The following LDLRAD4 variants were observed in gnomAD, a reference collection of about 807,000 sequenced individuals.
The protein encoded by LDLRAD4 is low density lipoprotein receptor class A domain containing 4.
In LDLRAD4, 5 loss-of-function variants were observed where a neutral mutation model predicts 17.0. The observed-to-expected ratio is 0.29, with a 90% CI of 0.15 to 0.62. The LOEUF (loss-of-function observed/expected upper bound fraction) is 0.62, where lower values mean the gene tolerates loss of function less well. LDLRAD4 is among the 20% of genes least tolerant of loss of function. The probability of loss-of-function intolerance (pLI) is 0.84; values close to 1 mark genes in which losing one functional copy is unlikely to be tolerated. For synonymous variants in LDLRAD4, 168 were observed against 171.8 expected, an observed-to-expected ratio of 0.98 and a Z score of 0.17; for missense variants, 340 against 424.7, an observed-to-expected ratio of 0.80 and a Z score of 1.75.
chr18:13,276,955 G>A (rs1225362496), upstream of LDLRAD4, among the ~76,000 whole-genome samples: 1 of 152,182 alleles, frequency 6.6e-6, no homozygotes, highest in African/African-American at 2.4e-5. Flanking sequence ...ACTGGTGAGA[G>A]CAGCCCCAGT....
intron 3 of LDLRAD4, among the ~76,000 whole-genome samples, chr18:13,496,788 A>G (rs2093479294): frequency 6.6e-6 from 1 of 152,214 alleles, no homozygotes; most frequent in African/African-American, 2.4e-5. Flanking sequence ...CCACTGCATT[A>G]ATGCAAACCA....
intron 3 of LDLRAD4, among the ~76,000 whole-genome samples, chr18:13,518,512 A>T (rs909527305): frequency 3.9e-5 from 6 of 152,242 alleles, no homozygotes; most frequent in Non-Finnish European, 8.8e-5. Context: ...GGTATTTCCC[A>T]CATCTGAAGT....
chr18:13,599,923 A>G (rs1281953504), intron 3 of LDLRAD4, among the ~76,000 whole-genome samples: 1 of 152,240 alleles, frequency 6.6e-6, no homozygotes, highest in East Asian at 1.9e-4. Flanking sequence ...TGAGCAAAAG[A>G]AAGAAAATTA....
intron 1 of LDLRAD4, among the ~76,000 whole-genome samples, chr18:13,253,018 C>G (rs1342091044): frequency 6.6e-6 from 1 of 152,178 alleles, no homozygotes. Context: ...CACTGGGGGT[C>G]CAGGGTGCAG....
intron 1 of LDLRAD4, among the ~76,000 whole-genome samples, chr18:13,345,984 G>A (rs2082662800): frequency 6.6e-6 from 1 of 151,860 alleles, no homozygotes; most frequent in South Asian, 2.1e-4. Context: ...TTCTTTATTA[G>A]TCTTGCTAGC....
chr18:13,245,545 C>T (rs551648470), intron 1 of LDLRAD4, among the ~76,000 whole-genome samples: 2 of 152,186 alleles, frequency 1.3e-5, no homozygotes, highest in Non-Finnish European at 2.9e-5. Context: ...CAGCCCAAGT[C>T]AGAAGGCTCA....
At chr18:13,512,288 A>C (rs1168609914) in intron 3 of LDLRAD4, among the ~76,000 whole-genome samples, 1 of 152,206 alleles carries the variant, frequency 6.6e-6, no homozygotes, top group Non-Finnish European at 1.5e-5. Context: ...GTCATGATAC[A>C]GGAATGATCT....
chr18:13,488,291 C>G (rs1382889098), intron 3 of LDLRAD4: 3 of 152,372 alleles, frequency 2.0e-5, no homozygotes, highest in Non-Finnish European at 2.9e-5. Flanking sequence ...GAACAGAGTG[C>G]AGACCCCCTC....
In LDLRAD4 at chr18:13,319,038, G is replaced by A. The variant is rs149966665; in HGVS notation, c.-383+40850G>A. 8.0e-3 allele frequency among the ~76,000 whole-genome samples: 1,216 copies of A among 152,278 alleles called. 17 individuals are homozygous for A. The highest frequency in any genetic ancestry group is 9.6e-3 in the Non-Finnish European group (652 of 68,022). The stretch of plus-strand genomic sequence containing the variant: ...TGTTGGTGAACTCAGGGCCTGCTAC[G>A]TCTGGAACACATCAAGCCATTTAGT... On this transcript the variant is annotated intron_variant, in intron 1 of 5. Transcript: ENST00000359446.
At chr18:13,309,424 A>G (rs369984343) in intron 1 of LDLRAD4, among the ~76,000 whole-genome samples, 3 of 152,172 alleles carry the variant, frequency 2.0e-5, no homozygotes, top group African/African-American at 7.2e-5. Context: ...TCTTCCAAGT[A>G]ATTATTAGAT....
At chr18:13,531,012 C>T (rs868699335) in intron 3 of LDLRAD4, among the ~76,000 whole-genome samples, 1 of 152,196 alleles carries the variant, frequency 6.6e-6, no homozygotes, top group South Asian at 2.1e-4. Flanking sequence ...GGTTCTCCTT[C>T]GTTTCATCTG....
At chr18:13,250,458 G>A (rs887285576) in intron 1 of LDLRAD4, among the ~76,000 whole-genome samples, 4 of 151,766 alleles carry the variant, frequency 2.6e-5, no homozygotes, top group African/African-American at 9.7e-5. Flanking sequence ...TTGGATTTTG[G>A]AAGAAATAAC....
intron 1 of LDLRAD4, among the ~76,000 whole-genome samples, chr18:13,348,251 G>A (rs937020167): frequency 6.6e-6 from 1 of 152,084 alleles, no homozygotes; most frequent in African/African-American, 2.4e-5. Flanking sequence ...TGGGGTTTTG[G>A]TGTGGATGTC....
intron 3 of LDLRAD4, among the ~76,000 whole-genome samples, chr18:13,458,255 A>G (rs192122680): frequency 7.4e-4 from 112 of 152,346 alleles, no homozygotes; most frequent in Admixed American, 1.2e-3. Flanking sequence ...AATGCCATTC[A>G]CGCAAAACAA....
chr18:13,615,508 C>T (rs1485126178), intron 3 of LDLRAD4: 2 of 152,190 alleles, frequency 1.3e-5, no homozygotes, highest in African/African-American at 4.8e-5. Flanking sequence ...ACACTCATGC[C>T]TCTAGTATGA....
chr18:13,575,957 TG>T (rs1277374029), intron 3 of LDLRAD4, among the ~76,000 whole-genome samples: 1 of 152,236 alleles, frequency 6.6e-6, no homozygotes, highest in African/African-American at 2.4e-5. Flanking sequence ...TTGAGTTCCT[TG>T]TAGATTATAG....
chr18:13,270,238 A>G (rs755509334), intron 1 of LDLRAD4, among the ~76,000 whole-genome samples: 6 of 152,042 alleles, frequency 3.9e-5, no homozygotes, highest in Non-Finnish European at 8.8e-5. Context: ...TGGCGTGCCT[A>G]CCTGTGATCA....
At chr18:13,547,565 C>T (rs2094382949) in intron 3 of LDLRAD4, among the ~76,000 whole-genome samples, 1 of 152,120 alleles carries the variant, frequency 6.6e-6, no homozygotes, top group African/African-American at 2.4e-5. Context: ...GAGCCAGGTG[C>T]AGAGTGGCGA....
intron 1 of LDLRAD4, among the ~76,000 whole-genome samples, chr18:13,370,330 A>G (rs960447505): frequency 1.5e-4 from 23 of 152,220 alleles, no homozygotes; most frequent in Non-Finnish European, 3.1e-4. Flanking sequence ...TCTTATAGGA[A>G]CATGGAGTCC....
Sources: gnomAD v4.1 joint callset for allele counts (sites outside exome capture counted in the v4.1 genomes callset) on GRCh38, gnomAD v4.1.1 for gene constraint, MANE v1.5 for transcripts, NCBI Gene and HGNC (gene_info 2026-07-23, HGNC 2026-07-21) for gene names.